Variants in PHF21B observed in about 807,000 individuals in gnomAD.
The protein encoded by PHF21B is PHD finger protein 4.
A neutral mutation model predicts 62.2 loss-of-function variants in PHF21B; 22 were observed. The ratio of observed to expected loss-of-function variants is 0.35; its 90% confidence interval spans 0.25 to 0.51. The LOEUF is 0.51. PHF21B is among the 20% of genes least tolerant of loss of function. The pLI, the probability that PHF21B is intolerant of heterozygous loss-of-function variation, is 0.97. For missense variants in PHF21B, 701 were observed against 707.9 expected (o/e 0.99, Z 0.11); for synonymous variants, 341 against 314.7 (o/e 1.08, Z -0.88).
chr22:45,009,758 T>G lies in PHF21B; in HGVS notation c.-209A>C. ...GGCGCCGCGGCGCCGAGCCCTCGGC[T>G]GCCCCAACTCCTCAGGCTGCCCGGC... On this transcript the variant is annotated 5_prime_UTR_variant, in exon 1 of 13. Coordinates refer to ENST00000313237, the MANE Select transcript of PHF21B (RefSeq NM_138415.5). This position sits in a 1 kb window ranked among gnomAD's most constrained non-coding sequence, Gnocchi z 5.9. 2.4e-6 allele frequency: 1 copy of G among 413,798 alleles called. No individual in the cohort carries two copies. 25.6% of individuals were successfully genotyped at this position (413,798 alleles called of 1,614,324 possible). A position where few individuals can be genotyped will look rare whatever the true frequency, so the allele number is the denominator to read the frequency against.
At chr22:44,947,467 C>G (rs896801477) in intron 2 of PHF21B, among the ~76,000 whole-genome samples, 1 of 152,252 alleles carries the variant, frequency 6.6e-6, no homozygotes, top group Non-Finnish European at 1.5e-5. Context: ...TATAGAACCT[C>G]TCAGCCACGC....
intron 2 of PHF21B, among the ~76,000 whole-genome samples, chr22:45,002,678 T>C (rs1213650965): frequency 6.6e-6 from 1 of 152,164 alleles, no homozygotes; most frequent in African/African-American, 2.4e-5. Flanking sequence ...ACCCCTGCAC[T>C]CCTACACACA....
At position 44,913,418 on chromosome 22, in the gene PHF21B, G is replaced by C. The variant is rs377246505; in HGVS notation, c.831+404C>G. Among the ~76,000 whole-genome samples, 10 of 152,302 alleles carry C rather than the reference G, an allele frequency of 6.6e-5. No individual in the cohort carries two copies. The South Asian group carries it at 2.1e-3, about 32-fold the overall frequency. On this transcript the variant is annotated intron_variant, in intron 5 of 12. Coordinates refer to ENST00000313237, the MANE Select transcript of PHF21B (RefSeq NM_138415.5). ...TGTAGTGGCCAAAAGTCCCCACCAG[G>C]TGCTGTCCAGGGGCTCAGCAAACAT... is the stretch of plus-strand genomic sequence containing the variant.
chr22:44,910,511 G>A (rs550229528), intron 5 of PHF21B, among the ~76,000 whole-genome samples: 2 of 152,110 alleles, frequency 1.3e-5, no homozygotes, highest in South Asian at 2.1e-4. Flanking sequence ...ATCATGGGGC[G>A]GGTCTTTCCT....
intron 2 of PHF21B, 171 bp downstream of exon 2, chr22:45,008,374 C>T (rs546551226): frequency 5.3e-6 from 3 of 569,342 alleles, no homozygotes; most frequent in South Asian, 4.8e-5. Flanking sequence ...TCCGAGAACC[C>T]GGCTCTTTCT....
chr22:44,993,618 A>T (rs2073075463), intron 2 of PHF21B, among the ~76,000 whole-genome samples: 1 of 152,244 alleles, frequency 6.6e-6, no homozygotes, highest in Admixed American at 6.5e-5. Context: ...ACAGGCTTGG[A>T]GACAGCGGCC....
intron 5 of PHF21B, among the ~76,000 whole-genome samples, chr22:44,910,704 C>G (rs2071330023): frequency 6.6e-6 from 1 of 152,200 alleles, no homozygotes; most frequent in Non-Finnish European, 1.5e-5. Context: ...TCCATTAAAC[C>G]TCTTTCCTTT....
intron 2 of PHF21B, among the ~76,000 whole-genome samples, chr22:44,996,109 C>T (rs942227654): frequency 2.0e-5 from 3 of 152,180 alleles, no homozygotes; most frequent in African/African-American, 7.2e-5. Flanking sequence ...GCCCATGCCA[C>T]ATGACAACAG....
At chr22:44,983,637 A>G (rs1000835655) in intron 2 of PHF21B, among the ~76,000 whole-genome samples, 8 of 152,230 alleles carry the variant, frequency 5.3e-5, no homozygotes, top group African/African-American at 1.7e-4. Context: ...TTTAAAAGAC[A>G]TAAGTTTGAA....
chr22:44,972,694 AC>A (rs779823159), intron 2 of PHF21B, among the ~76,000 whole-genome samples: 1 of 152,230 alleles, frequency 6.6e-6, no homozygotes, highest in Non-Finnish European at 1.5e-5. Context: ...CAGTCAGTCA[AC>A]AAACACTGAG....
chr22:45,001,967 A>T (rs897194987), intron 2 of PHF21B: 1 of 152,250 alleles, frequency 6.6e-6, no homozygotes, highest in African/African-American at 2.4e-5. Flanking sequence ...TTTCCCGATG[A>T]GCACGTGTTG....
chr22:44,983,618 T>A (rs921699086), intron 2 of PHF21B, among the ~76,000 whole-genome samples: 6 of 152,192 alleles, frequency 3.9e-5, no homozygotes, highest in Non-Finnish European at 7.3e-5. Context: ...TTGTATTTTT[T>A]AAAAGTATTT....
chr22:45,006,223 G>C (rs926170991), intron 2 of PHF21B, among the ~76,000 whole-genome samples: 2 of 152,132 alleles, frequency 1.3e-5, no homozygotes, highest in African/African-American at 4.8e-5. Flanking sequence ...AAGGGAAATG[G>C]AAAAACAACA....
intron 2 of PHF21B, among the ~76,000 whole-genome samples, chr22:44,953,229 G>T (rs2072228915): frequency 6.6e-6 from 1 of 152,184 alleles, no homozygotes; most frequent in Non-Finnish European, 1.5e-5. Flanking sequence ...CCCAAGCCCT[G>T]GGCAGGATGC....
chr22:44,892,424 G>A (rs541074660), intron 7 of PHF21B, among the ~76,000 whole-genome samples: 1 of 152,364 alleles, frequency 6.6e-6, no homozygotes, highest in East Asian at 1.9e-4. Flanking sequence ...GCCTGGAACT[G>A]GCTGCCGCTC....
At chr22:44,997,652 A>T (rs2073144728) in intron 2 of PHF21B, among the ~76,000 whole-genome samples, 1 of 152,174 alleles carries the variant, frequency 6.6e-6, no homozygotes, top group Non-Finnish European at 1.5e-5. Context: ...ATATATTTTT[A>T]ATTACATTTT....
intron 2 of PHF21B, among the ~76,000 whole-genome samples, chr22:44,928,048 CTTCCA>C (rs1456065883): frequency 6.6e-6 from 1 of 152,178 alleles, no homozygotes; most frequent in East Asian, 1.9e-4. Flanking sequence ...ACCCTACAAC[CTTCCA>C]GGGCAAAAGC....
intron 2 of PHF21B, among the ~76,000 whole-genome samples, chr22:44,993,990 C>G (rs1601690072): frequency 6.6e-6 from 1 of 152,216 alleles, no homozygotes; most frequent in Admixed American, 6.5e-5. Context: ...GAAGATCCTG[C>G]CATCCCACCG....
chr22:44,960,581 A>T (rs1481043790), intron 2 of PHF21B, among the ~76,000 whole-genome samples: 1 of 152,186 alleles, frequency 6.6e-6, no homozygotes, highest in Non-Finnish European at 1.5e-5. Context: ...ACTGGACTGG[A>T]CCATGGGGTA....
Sources: allele counts gnomAD v4.1 joint callset (sites outside exome capture counted in the v4.1 genomes callset), GRCh38; gene constraint gnomAD v4.1.1; non-coding constraint Gnocchi (gnomAD v3.1); transcripts MANE v1.5; gene names NCBI Gene and HGNC (gene_info 2026-07-23, HGNC 2026-07-21).